The following EXT1 variants were observed in gnomAD, a reference collection of about 807,000 sequenced individuals.
EXT1 encodes the protein exostosin-1.
Under a neutral mutation model 82.5 loss-of-function variants are expected in EXT1, and 20 were observed. That is an observed-to-expected ratio of 0.24 (90% CI 0.17 to 0.35). The LOEUF (loss-of-function observed/expected upper bound fraction) is 0.35. EXT1 is among the 10% of genes least tolerant of loss of function. The pLI is 1.00. For missense variants in EXT1, 757 were observed against 936.5 expected, an observed-to-expected ratio of 0.81 and a Z score of 2.50; for synonymous variants, 348 against 350.8, an observed-to-expected ratio of 0.99 and a Z score of 0.09.
At chr8:117,891,372 T>C (rs766215500) in intron 1 of EXT1, among the ~76,000 whole-genome samples, 19 of 152,216 alleles carry the variant, frequency 1.2e-4, no homozygotes, top group Non-Finnish European at 2.5e-4. Flanking sequence ...CCTGATGATA[T>C]GCCAAACAAG....
chr8:117,992,300 A>T (rs1378964119), intron 1 of EXT1, among the ~76,000 whole-genome samples: 1 of 152,042 alleles, frequency 6.6e-6, no homozygotes, highest in Non-Finnish European at 1.5e-5. Context: ...TCCCAAACAC[A>T]TTATAAACTC....
chr8:118,108,405 A>C (rs147204021), intron 1 of EXT1, among the ~76,000 whole-genome samples: 165 of 152,362 alleles, frequency 1.1e-3, no homozygotes, highest in Middle Eastern at 0.01. Context: ...AGACAAAGAA[A>C]TTCCTGAAAG....
At chr8:117,958,900 C>G (rs1259210229) in intron 1 of EXT1, among the ~76,000 whole-genome samples, 1 of 152,150 alleles carries the variant, frequency 6.6e-6, no homozygotes, top group Non-Finnish European at 1.5e-5. Flanking sequence ...TCTGGCTCCC[C>G]TACTAAACAT....
chr8:118,012,401 C>T (rs1173251983), intron 1 of EXT1, among the ~76,000 whole-genome samples: 2 of 152,094 alleles, frequency 1.3e-5, no homozygotes, highest in African/African-American at 2.4e-5. Flanking sequence ...CCTTTTTGTC[C>T]GGGAAGGTGA....
At chr8:117,986,584 T>C (rs1164336004) in intron 1 of EXT1, among the ~76,000 whole-genome samples, 1 of 152,236 alleles carries the variant, frequency 6.6e-6, no homozygotes, top group East Asian at 1.9e-4. Context: ...TGTGGCCACA[T>C]CTCCCAGTAG....
At chr8:117,807,924 A>G (rs111279115) in intron 8 of EXT1, among the ~76,000 whole-genome samples, 3 of 152,342 alleles carry the variant, frequency 2.0e-5, no homozygotes, top group African/African-American at 7.2e-5. Context: ...TAAAGAAAAC[A>G]TAATTCAGGC....
At chr8:117,905,415 G>A (rs371048712) in intron 1 of EXT1, among the ~76,000 whole-genome samples, 2 of 152,298 alleles carry the variant, frequency 1.3e-5, no homozygotes, top group Middle Eastern at 6.8e-3. Context: ...TGGCACATGG[G>A]GGGCAGCTTG....
intron 1 of EXT1, among the ~76,000 whole-genome samples, chr8:117,978,379 T>G (rs1189449109): frequency 6.6e-6 from 1 of 152,236 alleles, no homozygotes; most frequent in African/African-American, 2.4e-5. Context: ...GTTCATGACT[T>G]TCTCCCCATC....
In EXT1 at chr8:118,017,024, A is replaced by G. The variant is rs139220905; in HGVS notation, c.962+93061T>C. On this transcript the variant is annotated intron_variant, in intron 1 of 10. Coordinates refer to ENST00000378204, the MANE Select transcript of EXT1 (RefSeq NM_000127.3). ...GGTACGTGTATAAAATTTCCAATGAACTTCCAATGAAAGAAGGAAGGAATA... is the reference window on the plus strand; with the variant it reads ...GGTACGTGTATAAAATTTCCAATGAGCTTCCAATGAAAGAAGGAAGGAATA... Among the ~76,000 whole-genome samples, 234 of 152,294 alleles carry G rather than the reference A, an allele frequency of 1.5e-3. 1 individual carries two copies. Among genetic ancestry groups the G allele is most frequent in the African/African-American group, 5.2e-3 (217 of 41,570 alleles).
chr8:117,897,657 C>A (rs577714794), intron 1 of EXT1, among the ~76,000 whole-genome samples: 190 of 145,698 alleles, frequency 1.3e-3, no homozygotes, highest in African/African-American at 4.6e-3. Context: ...TCCAACGGCC[C>A]GATCTCGGTT....
intron 1 of EXT1, among the ~76,000 whole-genome samples, chr8:117,942,257 T>C (rs1391875748): frequency 1.3e-5 from 2 of 152,182 alleles, no homozygotes; most frequent in African/African-American, 4.8e-5. Flanking sequence ...AGACCACAAC[T>C]GCACCACCTA....
intron 1 of EXT1, among the ~76,000 whole-genome samples, chr8:118,057,975 GAAAA>G (rs1173695009): frequency 1.7e-5 from 1 of 59,364 alleles, no homozygotes; most frequent in East Asian, 5.4e-4. Flanking sequence ...CATCTCAAAA[GAAAA>G]AAAAAAAAAA....
Position 117,940,191 on chromosome 8 carries a change from A to G in EXT1, c.963-102990T>C, listed in dbSNP as rs561918928. Among the ~76,000 whole-genome samples the G allele has an allele frequency of 1.6e-3, 247 of 152,360 alleles. 1 individual carries two copies. Among genetic ancestry groups the G allele is most frequent in the African/African-American group, 5.6e-3 (231 of 41,596 alleles). On this transcript the variant is annotated intron_variant, in intron 1 of 10. Transcript: ENST00000378204. ...ATACTTGTTTCAAGCCATCTACCCT[A>G]GGGCCCAGCCCATGTGGACAGCAGA...
chr8:118,012,289 C>T (rs1815915273), intron 1 of EXT1, among the ~76,000 whole-genome samples: 1 of 152,354 alleles, frequency 6.6e-6, no homozygotes, highest in East Asian at 1.9e-4. Context: ...CAGAAGACCA[C>T]ACAGGACAGA....
intron 1 of EXT1, among the ~76,000 whole-genome samples, chr8:117,939,236 C>A (rs571321884): frequency 2.6e-5 from 4 of 152,124 alleles, no homozygotes; most frequent in African/African-American, 9.7e-5. Flanking sequence ...TTATTTAATC[C>A]TCACAGACAA....
intron 1 of EXT1, among the ~76,000 whole-genome samples, chr8:117,888,022 T>C (rs779852741): frequency 1.7e-3 from 254 of 151,638 alleles, no homozygotes; most frequent in Middle Eastern, 0.01. Context: ...GTGGTGGAGG[T>C]TGCGGTAAGC....
chr8:117,908,281 C>T (rs1189808912), intron 1 of EXT1, among the ~76,000 whole-genome samples: 1 of 152,156 alleles, frequency 6.6e-6, no homozygotes, highest in Non-Finnish European at 1.5e-5. Flanking sequence ...TATTCTGTAT[C>T]TCTTACAAAT....
At chr8:117,918,484 GAAGT>G (rs987187699) in intron 1 of EXT1, among the ~76,000 whole-genome samples, 24 of 152,288 alleles carry the variant, frequency 1.6e-4, no homozygotes, top group African/African-American at 5.1e-4. Context: ...CTTCCTTCCA[GAAGT>G]AAGTCTATTT....
chr8:117,813,907 G>A, intron 7 of EXT1, among the ~76,000 whole-genome samples: 1 of 152,048 alleles, frequency 6.6e-6, no homozygotes, highest in East Asian at 1.9e-4. Context: ...TTGGGAGGCT[G>A]AGGCAGGAGA....
Sources: allele counts gnomAD v4.1 joint callset (sites outside exome capture counted in the v4.1 genomes callset), GRCh38; gene constraint gnomAD v4.1.1; transcripts MANE v1.5; gene names NCBI Gene and HGNC (gene_info 2026-07-23, HGNC 2026-07-21).